Variants in PLEKHA5 observed in about 807,000 individuals in gnomAD.
PLEKHA5 encodes the protein pleckstrin homology domain-containing family A member 5.
In PLEKHA5, 55 loss-of-function variants were observed where a neutral mutation model predicts 181.9. The observed-to-expected ratio is 0.30, with a 90% CI of 0.24 to 0.38. The LOEUF (loss-of-function observed/expected upper bound fraction) is 0.38. Ranked by LOEUF, PLEKHA5 falls within the 10% of genes least tolerant of loss-of-function variation. PLEKHA5 has a pLI of 1.00. For synonymous variants in PLEKHA5, 535 were observed against 529.4 expected (o/e 1.01, Z -0.15); for missense variants, 1,432 against 1,549.5 (o/e 0.92, Z 1.27).
At chr12:19,206,068 T>C (rs1273349235) in intron 3 of PLEKHA5, among the ~76,000 whole-genome samples, 2 of 152,118 alleles carry the variant, frequency 1.3e-5, no homozygotes, top group Non-Finnish European at 2.9e-5. Flanking sequence ...TTTAGAATTC[T>C]ATCTTTATTT....
chr12:19,171,746 A>G (rs760145318), intron 3 of PLEKHA5, among the ~76,000 whole-genome samples: 1 of 152,222 alleles, frequency 6.6e-6, no homozygotes, highest in Non-Finnish European at 1.5e-5. Context: ...ACGTTGCACA[A>G]CTACACAAAA....
At chr12:19,252,507 G>GT (rs537162422) in intron 3 of PLEKHA5, among the ~76,000 whole-genome samples, 210 of 152,038 alleles carry the variant, frequency 1.4e-3, no homozygotes, top group Middle Eastern at 3.4e-3. Flanking sequence ...AATAAATAGG[G>GT]TTTTTTTCCT....
intron 12 of PLEKHA5, among the ~76,000 whole-genome samples, chr12:19,285,359 A>G (rs2076998030): frequency 6.6e-6 from 1 of 152,186 alleles, no homozygotes; most frequent in Non-Finnish European, 1.5e-5. Context: ...TATGAGATGA[A>G]TCTATATTCT....
intron 3 of PLEKHA5, among the ~76,000 whole-genome samples, chr12:19,217,876 A>G (rs2058245728): frequency 6.6e-6 from 1 of 152,188 alleles, no homozygotes. Context: ...ACTTAACAAT[A>G]TTTACAAGCT....
At chr12:19,295,934 T>A (rs1236546040) in intron 15 of PLEKHA5, among the ~76,000 whole-genome samples, 2 of 152,302 alleles carry the variant, frequency 1.3e-5, no homozygotes, top group East Asian at 3.9e-4. Context: ...ATATCTCTTT[T>A]AAAAATGTAT....
intron 3 of PLEKHA5, among the ~76,000 whole-genome samples, chr12:19,147,946 A>G (rs1464339205): frequency 1.3e-5 from 2 of 152,290 alleles, no homozygotes; most frequent in Non-Finnish European, 2.9e-5. Flanking sequence ...TATGTTGCCC[A>G]GGTTGATCTC....
At chr12:19,353,472 T>G (rs1464266549) in intron 25 of PLEKHA5, among the ~76,000 whole-genome samples, 1 of 144,362 alleles carries the variant, frequency 6.9e-6, no homozygotes, top group African/African-American at 2.6e-5. Context: ...CTTTTTTTTT[T>G]ATTTTTAGAC....
chr12:19,195,820 A>G (rs2052582955), intron 3 of PLEKHA5, among the ~76,000 whole-genome samples: 1 of 152,112 alleles, frequency 6.6e-6, no homozygotes, highest in African/African-American at 2.4e-5. Flanking sequence ...TATCATAGAT[A>G]TCTTCCATGG....
intron 3 of PLEKHA5, among the ~76,000 whole-genome samples, chr12:19,247,295 G>A (rs2063994347): frequency 6.6e-6 from 1 of 152,170 alleles, no homozygotes; most frequent in Admixed American, 6.5e-5. Context: ...GTAGTTTATA[G>A]GAGCTGTGTG....
chr12:19,294,607 CT>C (rs1431113061), intron 15 of PLEKHA5, among the ~76,000 whole-genome samples: 36 of 152,116 alleles, frequency 2.4e-4, no homozygotes, highest in South Asian at 2.1e-4. Flanking sequence ...CCTCCTGCCC[CT>C]TGTGAGGTAT....
intron 28 of PLEKHA5, among the ~76,000 whole-genome samples, chr12:19,359,914 C>T (rs937228388): frequency 2.0e-5 from 3 of 151,024 alleles, no homozygotes; most frequent in South Asian, 2.1e-4. Flanking sequence ...TGCAGTGAGC[C>T]GAGATCGCGC....
intron 3 of PLEKHA5, among the ~76,000 whole-genome samples, chr12:19,149,248 T>TC (rs960522751): frequency 6.6e-6 from 1 of 151,914 alleles, no homozygotes; most frequent in Admixed American, 6.6e-5. Flanking sequence ...TTGCCTGTAA[T>TC]CCCAGCACTT....
chr12:19,326,415 C>A (rs986717834), intron 20 of PLEKHA5, among the ~76,000 whole-genome samples: 2 of 152,078 alleles, frequency 1.3e-5, no homozygotes, highest in African/African-American at 4.8e-5. Flanking sequence ...AGCACTAGTT[C>A]AAATCTAAGC....
intron 28 of PLEKHA5, among the ~76,000 whole-genome samples, chr12:19,360,683 T>G (rs906821664): frequency 1.3e-5 from 2 of 152,084 alleles, no homozygotes; most frequent in African/African-American, 2.4e-5. Context: ...ACATAATCAG[T>G]CACAGCTAGA....
chr12:19,176,080 A>G (rs1035162910), intron 3 of PLEKHA5, among the ~76,000 whole-genome samples: 4 of 152,156 alleles, frequency 2.6e-5, no homozygotes, highest in Non-Finnish European at 5.9e-5. Context: ...TGAGAAGTGA[A>G]TATAACACAA....
intron 6 of PLEKHA5, among the ~76,000 whole-genome samples, chr12:19,258,524 G>T (rs1468187839): frequency 1.4e-4 from 21 of 149,656 alleles, no homozygotes; most frequent in African/African-American, 4.9e-4. Context: ...CAGGCTAAAA[G>T]GTTTTTGCAC....
At chr12:19,138,589 G>T (rs1405736502) in intron 3 of PLEKHA5, among the ~76,000 whole-genome samples, 3 of 145,578 alleles carry the variant, frequency 2.1e-5, no homozygotes, top group Non-Finnish European at 4.5e-5. Context: ...AAAAAAAAAA[G>T]AAGATGCTAG....
At chr12:19,177,385 T>C (rs1220619817) in intron 3 of PLEKHA5, among the ~76,000 whole-genome samples, 1 of 152,164 alleles carries the variant, frequency 6.6e-6, no homozygotes, top group Non-Finnish European at 1.5e-5. Flanking sequence ...GAAACCAGAT[T>C]TCATGTATTA....
At chr12:19,353,065 G>A in intron 25 of PLEKHA5, among the ~76,000 whole-genome samples, 1 of 151,630 alleles carries the variant, frequency 6.6e-6, no homozygotes. Context: ...TAGGATTACA[G>A]GCATGAACAG....
Sources: gnomAD v4.1 joint callset for allele counts (sites outside exome capture counted in the v4.1 genomes callset) on GRCh38, gnomAD v4.1.1 for gene constraint, MANE v1.5 for transcripts, NCBI Gene and HGNC (gene_info 2026-07-23, HGNC 2026-07-21) for gene names.